The following HEATR4 variants were observed in gnomAD, a reference collection of about 807,000 sequenced individuals.
The protein encoded by HEATR4 is HEAT repeat containing 4.
A neutral mutation model predicts 108.8 loss-of-function variants in HEATR4; 95 were observed. The observed-to-expected ratio is 0.87, with a 90% CI of 0.74 to 1.04. HEATR4 has a LOEUF of 1.04. HEATR4 is among the 50% of genes least tolerant of loss of function. HEATR4 has a pLI of 0.00. For synonymous variants in HEATR4, 443 were observed against 459.4 expected (o/e 0.96, Z 0.46); for missense variants, 1,152 against 1,253.8 (o/e 0.92, Z 1.23).
chr14:73,592,311 C>T, the HEATR4 span: 780 of 1,611,054 alleles, frequency 4.8e-4, 5 homozygotes, highest in African/African-American at 8.7e-3. Flanking sequence ...CGAGCCTGGA[C>T]GGCTGCTGTG....
intron 17 of HEATR4, among the ~76,000 whole-genome samples, chr14:73,484,643 G>A (rs1199476293): frequency 6.6e-6 from 1 of 151,834 alleles, no homozygotes; most frequent in Non-Finnish European, 1.5e-5. Context: ...GCCTCCCAAA[G>A]TGCTGGGATT....
intron 2 of HEATR4, among the ~76,000 whole-genome samples, chr14:73,524,776 A>T (rs1435454503): frequency 1.3e-5 from 2 of 151,718 alleles, no homozygotes; most frequent in Admixed American, 1.3e-4. Context: ...AGGAACAGGT[A>T]GGCCTCCTTA....
At chr14:73,502,683 G>A (rs1451455251) in intron 11 of HEATR4, among the ~76,000 whole-genome samples, 1 of 152,160 alleles carries the variant, frequency 6.6e-6, no homozygotes, top group Admixed American at 6.6e-5. Flanking sequence ...GAGTAGCTGG[G>A]ATGACAGGCA....
chr14:73,630,256 C>T, the HEATR4 span, among the ~76,000 whole-genome samples: 1 of 152,096 alleles, frequency 6.6e-6, no homozygotes, highest in South Asian at 2.1e-4. Context: ...CCAGACCCCT[C>T]CAAGTTAGCT....
the HEATR4 span, among the ~76,000 whole-genome samples, chr14:73,589,895 T>G: frequency 6.6e-6 from 1 of 152,026 alleles, no homozygotes; most frequent in Non-Finnish European, 1.5e-5. Context: ...ACCTTTGCGG[T>G]GAGTGTTACA....
chr14:73,587,846 C>A, the HEATR4 span, among the ~76,000 whole-genome samples: 1 of 152,128 alleles, frequency 6.6e-6, no homozygotes, highest in Non-Finnish European at 1.5e-5. Flanking sequence ...ACTGCTAATG[C>A]GCTTAATTAT....
the HEATR4 span, among the ~76,000 whole-genome samples, chr14:73,576,994 A>C: frequency 4.1e-5 from 6 of 146,780 alleles, no homozygotes; most frequent in African/African-American, 1.5e-4. Flanking sequence ...GCAGTGGCAC[A>C]GTCACGGCTC....
At chr14:73,565,010 G>C in the HEATR4 span, among the ~76,000 whole-genome samples, 1 of 152,008 alleles carries the variant, frequency 6.6e-6, no homozygotes, top group East Asian at 1.9e-4. Flanking sequence ...TATAACTTTA[G>C]ATGTCTACAC....
chr14:73,496,916 G>A (rs771934183), intron 14 of HEATR4, among the ~76,000 whole-genome samples: 1 of 152,238 alleles, frequency 6.6e-6, no homozygotes, highest in Non-Finnish European at 1.5e-5. Flanking sequence ...GCGAGATGGA[G>A]TCTTGCTCTG....
chr14:73,595,538 T>C, the HEATR4 span: 1 of 1,609,946 alleles, frequency 6.2e-7, no homozygotes, highest in African/African-American at 1.3e-5. Flanking sequence ...ACATGTTATA[T>C]GGGGTGGGGA....
the HEATR4 span, chr14:73,573,595 G>T: frequency 4.3e-6 from 7 of 1,613,728 alleles, no homozygotes; most frequent in Non-Finnish European, 5.9e-6. Flanking sequence ...CCCGAGGTTA[G>T]TTCTTCTTTC....
rs1194411570 is a variant in HEATR4, at chr14:73,498,267, C to T, written c.2434G>A (p.Gly812Ser). 1 of 1,614,134 alleles carries T rather than the reference C, an allele frequency of 6.2e-7. No individual in the cohort carries two copies. The highest frequency in any genetic ancestry group is 1.7e-5 in the Admixed American group (1 of 60,008). The change falls in exon 14 of 18, where the codon GGT becomes AGT. Residue 812 changes from glycine to serine, a missense_variant. Gly to Ser is a moderately conservative substitution (Grantham distance 56). Transcript: ENST00000553558. ...LWAIHYEESP[G>S]VRLEACRSIL... Reference sequence around the variant, plus strand: ...CTACGGCAAGCTTCCAGCCGTACACCTGGTGACTCTTCATAGTGGATAGCC... The same window carrying T: ...CTACGGCAAGCTTCCAGCCGTACACTTGGTGACTCTTCATAGTGGATAGCC...
chr14:73,611,615 A>G, the HEATR4 span: 1 of 152,232 alleles, frequency 6.6e-6, no homozygotes, highest in African/African-American at 2.4e-5. Context: ...ACAAAACAAA[A>G]CTTTCACTGG....
At chr14:73,593,336 C>CTTTTTTTTTTTTTTTT in the HEATR4 span, among the ~76,000 whole-genome samples, 1 of 104,870 alleles carries the variant, frequency 9.5e-6, no homozygotes, top group Non-Finnish European at 1.8e-5. Context: ...TTCTTTCTTT[C>CTTTTTTTTTTTTTTTT]TTTTTTTTTT....
At chr14:73,567,849 G>C in the HEATR4 span, 2 of 152,096 alleles carry the variant, frequency 1.3e-5, no homozygotes, top group Non-Finnish European at 2.9e-5. Context: ...TTGAAGGTCT[G>C]TGGCTTTACT....
chr14:73,611,786 G>A, the HEATR4 span, among the ~76,000 whole-genome samples: 1 of 152,202 alleles, frequency 6.6e-6, no homozygotes, highest in East Asian at 1.9e-4. Flanking sequence ...ACCAGAACTC[G>A]GCTAGGTCTG....
rs1355119418 is a variant in HEATR4 at position 73,544,341 on chromosome 14, A to G, written c.-151-14097T>C. Among the ~76,000 whole-genome samples the G allele has an allele frequency of 1.7e-5, 2 of 115,886 alleles. 1 individual carries two copies. Among genetic ancestry groups the G allele is most frequent in the Non-Finnish European group, 3.8e-5 (2 of 53,040 alleles). The allele number at this position is 115,886 out of a possible 152,430, so 76.0% of individuals were successfully genotyped here. A position where few individuals can be genotyped will look rare whatever the true frequency, so the allele number is the denominator to read the frequency against. On this transcript the variant is annotated intron_variant, in intron 1 of 17. Transcript: ENST00000553558. ...TAAATAAATGATTACCTACTGTGGAAGAAAAGCACATAATATAAAAAGTAT... is the reference window on the plus strand; with the variant it reads ...TAAATAAATGATTACCTACTGTGGAGGAAAAGCACATAATATAAAAAGTAT...
intron 1 of HEATR4, among the ~76,000 whole-genome samples, chr14:73,554,273 G>A (rs1889366509): frequency 8.7e-6 from 1 of 114,754 alleles, no homozygotes; most frequent in Non-Finnish European, 1.9e-5. Flanking sequence ...CCGAGATATT[G>A]GATTAGGCAG....
At chr14:73,610,599 A>G in the HEATR4 span, among the ~76,000 whole-genome samples, 1 of 152,042 alleles carries the variant, frequency 6.6e-6, no homozygotes, top group African/African-American at 2.4e-5. Flanking sequence ...CCAAGGTGCC[A>G]TATTAATATG....
Sources: allele counts gnomAD v4.1 joint callset (sites outside exome capture counted in the v4.1 genomes callset), GRCh38; gene constraint gnomAD v4.1.1; transcripts MANE v1.5; gene names NCBI Gene and HGNC (gene_info 2026-07-23, HGNC 2026-07-21).